Variants in GABRR1 observed in about 807,000 individuals in gnomAD.
The protein encoded by GABRR1 is gamma-aminobutyric acid receptor subunit rho-1.
In GABRR1, 59 loss-of-function variants were observed where a neutral mutation model predicts 55.5. The ratio of observed to expected loss-of-function variants is 1.06; its 90% CI spans 0.86 to 1.32. The LOEUF (loss-of-function observed/expected upper bound fraction) is 1.32. Ranked by LOEUF, GABRR1 falls within the 40% of genes most tolerant of loss-of-function variation. The probability of loss-of-function intolerance (pLI) is 0.00; values close to 1 mark genes in which losing one functional copy is unlikely to be tolerated. For synonymous variants in GABRR1, 213 were observed against 226.0 expected (o/e 0.94, Z 0.51); for missense variants, 602 against 619.1 (o/e 0.97, Z 0.29).
intron 1 of GABRR1, among the ~76,000 whole-genome samples, chr6:89,229,329 CGTTA>C (rs1378193836): frequency 5.3e-5 from 8 of 151,306 alleles, no homozygotes; most frequent in Non-Finnish European, 8.8e-5. Context: ...TGATTTTGCT[CGTTA>C]GTTGACACAG....
intron 5 of GABRR1, among the ~76,000 whole-genome samples, chr6:89,191,959 T>C (rs1171596737): frequency 6.6e-6 from 1 of 151,938 alleles, no homozygotes; most frequent in Admixed American, 6.6e-5. Context: ...GGAGAACTGC[T>C]TGAACCTGGG....
At chr6:89,228,920 G>A (rs1304803077) in intron 1 of GABRR1, among the ~76,000 whole-genome samples, 5 of 148,958 alleles carry the variant, frequency 3.4e-5, no homozygotes, top group Non-Finnish European at 7.5e-5. Flanking sequence ...GGTCACTCAG[G>A]ACTTGCTTTA....
chr6:89,182,134 G>C (rs1003283343), intron 7 of GABRR1, 77 bp from the exon 8 acceptor site: 1 of 1,467,832 alleles, frequency 6.8e-7, no homozygotes. Context: ...AAATTGTTAA[G>C]TGCCTTAGAC....
intron 1 of GABRR1, among the ~76,000 whole-genome samples, chr6:89,216,591 A>G (rs559635252): frequency 1.5e-3 from 234 of 152,200 alleles, no homozygotes; most frequent in Non-Finnish European, 2.4e-3. Flanking sequence ...TTCCTGTGTA[A>G]GCTCCCTCTG....
At chr6:89,216,157 A>C (rs1437968814) in intron 1 of GABRR1, among the ~76,000 whole-genome samples, 3 of 152,208 alleles carry the variant, frequency 2.0e-5, no homozygotes, top group Non-Finnish European at 2.9e-5. Context: ...TGTTAAGAAC[A>C]GCTTGAAACA....
chr6:89,195,203 G>A (rs1286027259), intron 5 of GABRR1, among the ~76,000 whole-genome samples: 3 of 152,222 alleles, frequency 2.0e-5, no homozygotes, highest in South Asian at 2.1e-4. Flanking sequence ...GCTCACGTCT[G>A]TAATCCTAGC....
upstream of GABRR1, chr6:89,217,424 T>A (rs1245748402): frequency 7.5e-7 from 1 of 1,342,056 alleles, no homozygotes; most frequent in East Asian, 2.6e-5. Flanking sequence ...ATTAGAAGGA[T>A]GTTTACTCAT....
At position 89,178,833 on chromosome 6, in the gene GABRR1, G is replaced by A. The variant is rs749680298; in HGVS notation, c.1377C>T (p.Ser459=). The A allele has an allele frequency of 6.0e-5, 97 of 1,613,988 alleles. No individual in the cohort carries two copies. In the South Asian group the frequency reaches 9.6e-4, roughly 16 times the overall value. The change falls in exon 10 of 10, where the codon TCC becomes TCT. Residue 459 remains serine (S), a synonymous_variant. Transcript: ENST00000454853. ...RIDTHAIDKY[S]RIIFPAAYIL... The stretch of plus-strand genomic sequence containing the variant: ...TGTATGCTGCTGGAAAGATGATCCT[G>A]GAGTATTTATCAATGGCGTGGGTGT...
In GABRR1 at chr6:89,178,918, G is replaced by A; in HGVS notation, c.1292C>T (p.Ser431Leu). The change falls in exon 10 of 10, where the codon TCA becomes TTA. Residue 431 changes from serine to leucine, a missense_variant. Transcript: ENST00000454853. Reference protein sequence around the residue: ...DRMMVQLTLASERSSPQRKSQ... With the variant: ...DRMMVQLTLALERSSPQRKSQ... Reference sequence around the variant, plus strand: ...TTTCCTCTGTGGGGAGCTCCTCTCTGAGGCCAGGGTCAGCTGCACCATCAT... The same window carrying A: ...TTTCCTCTGTGGGGAGCTCCTCTCTAAGGCCAGGGTCAGCTGCACCATCAT... 3 of 1,614,198 alleles carry A rather than the reference G, an allele frequency of 1.9e-6. No individual in the cohort carries two copies. The highest frequency in any genetic ancestry group is 2.5e-6 in the Non-Finnish European group (3 of 1,180,034).
intron 7 of GABRR1, 85 bp downstream of exon 7, chr6:89,185,225 A>G: frequency 1.3e-6 from 2 of 1,562,228 alleles, no homozygotes; most frequent in South Asian, 1.1e-5. Context: ...CTGACGACCA[A>G]TTCAAACCTT....
chr6:89,218,364 C>T (rs1043651402), upstream of GABRR1, among the ~76,000 whole-genome samples: 1 of 152,060 alleles, frequency 6.6e-6, no homozygotes, highest in Non-Finnish European at 1.5e-5. Flanking sequence ...AAATTTTTTT[C>T]GGGTTATTTG....
chr6:89,183,999 G>C (rs1771813419), intron 7 of GABRR1, among the ~76,000 whole-genome samples: 1 of 152,120 alleles, frequency 6.6e-6, no homozygotes, highest in African/African-American at 2.4e-5. Flanking sequence ...CAGCACTTCA[G>C]GAGGCTGAGG....
intron 4 of GABRR1, 48 bp downstream of exon 4, chr6:89,199,314 C>A (rs759765552): frequency 3.2e-6 from 5 of 1,556,494 alleles, no homozygotes; most frequent in Admixed American, 3.4e-5. Flanking sequence ...GGCCCTGGAC[C>A]GGCTTTGTGA....
intron 5 of GABRR1, among the ~76,000 whole-genome samples, chr6:89,197,475 G>C (rs558252319): frequency 6.6e-6 from 1 of 152,332 alleles, no homozygotes; most frequent in Admixed American, 6.5e-5. Context: ...CGCTTCATGA[G>C]CAATTAAACG....
rs1364168392 is a variant in GABRR1, at chr6:89,201,140, G to A, written c.280+19C>T. On this transcript the variant is annotated intron_variant, in intron 3 of 9. Transcript: ENST00000454853. ...AGGACCAGAAGAAAGAGGACACCCT[G>A]AGAGCACACATCCCATACCTCCAAA... 6.4e-7 allele frequency: 1 copy of A among 1,570,710 alleles called. No homozygotes were observed. The highest frequency in any genetic ancestry group is 8.8e-7 in the Non-Finnish European group (1 of 1,140,774).
chr6:89,222,406 C>G (rs189463929), intron 1 of GABRR1, among the ~76,000 whole-genome samples: 133 of 152,338 alleles, frequency 8.7e-4, no homozygotes, highest in Admixed American at 2.3e-3. Flanking sequence ...CCTTGGCCCA[C>G]TGCATATCTG....
intron 1 of GABRR1, among the ~76,000 whole-genome samples, chr6:89,215,188 C>A (rs557482961): frequency 6.6e-6 from 1 of 152,224 alleles, no homozygotes; most frequent in African/African-American, 2.4e-5. Flanking sequence ...ATCCCATGTC[C>A]AGGTATATAT....
At chr6:89,208,486 C>G (rs760733141) in intron 1 of GABRR1, among the ~76,000 whole-genome samples, 1 of 152,124 alleles carries the variant, frequency 6.6e-6, no homozygotes, top group African/African-American at 2.4e-5. Flanking sequence ...GTTACTGTGA[C>G]GATATTTTTA....
intron 1 of GABRR1, among the ~76,000 whole-genome samples, chr6:89,208,564 C>A (rs1263856535): frequency 6.6e-6 from 1 of 152,182 alleles, no homozygotes; most frequent in Non-Finnish European, 1.5e-5. Flanking sequence ...ATGTGGGGAG[C>A]CCCCATCCAG....
Sources: gnomAD v4.1 joint callset for allele counts (sites outside exome capture counted in the v4.1 genomes callset) on GRCh38, gnomAD v4.1.1 for gene constraint, MANE v1.5 for transcripts, NCBI Gene and HGNC (gene_info 2026-07-23, HGNC 2026-07-21) for gene names.